The following OCA2 variants were observed in gnomAD, a reference collection of about 807,000 sequenced individuals.
OCA2 encodes P protein.
OCA2 carries 77 observed loss-of-function variants against 100.2 expected under a neutral mutation model. That is an observed-to-expected ratio of 0.77 (90% CI 0.64 to 0.93). The LOEUF (loss-of-function observed/expected upper bound fraction) is 0.93. Ranked by LOEUF, OCA2 falls within the 40% of genes least tolerant of loss-of-function variation. OCA2 has a pLI of 0.00. For missense variants in OCA2, 1,062 were observed against 1,089.1 expected (o/e 0.98, Z 0.35); for synonymous variants, 432 against 439.2 (o/e 0.98, Z 0.21).
the OCA2 span, among the ~76,000 whole-genome samples, chr15:27,742,238 A>G: frequency 2.0e-5 from 3 of 152,200 alleles, no homozygotes; most frequent in Non-Finnish European, 4.4e-5. Context: ...GTGGGCACTG[A>G]CAAAGCAAAT....
intron 2 of OCA2, among the ~76,000 whole-genome samples, chr15:28,070,738 A>G (rs1168114231): frequency 6.7e-6 from 1 of 150,022 alleles, no homozygotes; most frequent in Non-Finnish European, 1.5e-5. Flanking sequence ...AAGGTGGGGA[A>G]GAGATTGAGA....
At chr15:27,721,827 T>C in the OCA2 span, among the ~76,000 whole-genome samples, 1 of 152,338 alleles carries the variant, frequency 6.6e-6, no homozygotes, top group African/African-American at 2.4e-5. Context: ...TTTTATATTT[T>C]CATCAAAAAG....
intron 19 of OCA2, chr15:27,895,927 A>T (rs1406703380): frequency 4.6e-6 from 3 of 647,718 alleles, no homozygotes; most frequent in African/African-American, 3.6e-5. Flanking sequence ...ATATGATAGT[A>T]CGCACAGCAT....
chr15:28,069,275 A>G (rs1262575634), intron 2 of OCA2, among the ~76,000 whole-genome samples: 1 of 151,814 alleles, frequency 6.6e-6, no homozygotes, highest in Non-Finnish European at 1.5e-5. Flanking sequence ...CAGCATTTCT[A>G]TACAACAATA....
At chr15:27,767,856 C>T (rs1244360241) in intron 23 of OCA2, among the ~76,000 whole-genome samples, 2 of 152,226 alleles carry the variant, frequency 1.3e-5, no homozygotes, top group African/African-American at 4.8e-5. Flanking sequence ...TGTTCTTTCA[C>T]TCTTCACACT....
chr15:27,871,036 C>A, intron 21 of OCA2, 118 bp downstream of exon 21: 1 of 803,788 alleles, frequency 1.2e-6, no homozygotes. Flanking sequence ...TCGTCCTCTA[C>A]ACCTGTGAGT....
chr15:27,955,346 T>C, intron 16 of OCA2, 131 bp from the exon 17 acceptor site: 2 of 754,420 alleles, frequency 2.7e-6, no homozygotes, highest in Non-Finnish European at 4.8e-6. Context: ...GGACTAGTCA[T>C]GGGGGGCCGG....
chr15:27,968,334 C>T (rs1423332879), intron 14 of OCA2, among the ~76,000 whole-genome samples: 2 of 151,682 alleles, frequency 1.3e-5, no homozygotes, highest in Non-Finnish European at 2.9e-5. Context: ...AGTGACAATG[C>T]ACGACCATGG....
At chr15:27,896,368 A>G in intron 19 of OCA2, 1 of 754,706 alleles carries the variant, frequency 1.3e-6, no homozygotes, top group Non-Finnish European at 2.4e-6. Context: ...TTCGTTCAAT[A>G]CAGGAAGAAC....
intron 2 of OCA2, among the ~76,000 whole-genome samples, chr15:28,078,713 C>T (rs1198937432): frequency 1.3e-5 from 2 of 152,178 alleles, no homozygotes; most frequent in Non-Finnish European, 2.9e-5. Flanking sequence ...AGCAGAGGAC[C>T]TAGGTCAGCT....
chr15:28,022,506 T>C lies in OCA2; in HGVS notation c.641A>G (p.Asn214Ser). Residue 214 changes from asparagine (N) to serine (S), a missense_variant, in exon 6 of 24, where the codon AAC becomes AGC. Physicochemically the swap from Asn to Ser is conservative, Grantham distance 46. Coordinates refer to ENST00000354638, the MANE Select transcript of OCA2 (RefSeq NM_000275.3). ...WQLLALSPLE[N>S]YSVNLSSHVD... ...TCAGAGTGGATTTTGGATACAGTAG[T>C]TCTCCAGCGGTGATAAGGCCAACAG... The C allele has an allele frequency of 6.2e-7, 1 of 1,612,506 alleles. No homozygotes were observed. Among genetic ancestry groups the C allele is most frequent in the South Asian group, 1.1e-5 (1 of 91,056 alleles).
chr15:27,873,806 T>C (rs768944877), intron 19 of OCA2, among the ~76,000 whole-genome samples: 10 of 152,014 alleles, frequency 6.6e-5, no homozygotes, highest in Admixed American at 2.0e-4. Context: ...ATGAAGAAAA[T>C]ACAAATACAC....
intron 23 of OCA2, among the ~76,000 whole-genome samples, chr15:27,762,102 T>C (rs1169952746): frequency 3.3e-5 from 5 of 152,212 alleles, no homozygotes; most frequent in Admixed American, 3.3e-4. Context: ...CATGGACATA[T>C]TGCATAGTGG....
At position 27,957,589 on chromosome 15, in the gene OCA2, T is replaced by C. The variant is rs1194285211; in HGVS notation, c.1783A>G (p.Arg595Gly). 1 of 1,612,482 alleles carries C rather than the reference T, an allele frequency of 6.2e-7. No homozygotes were observed. Among genetic ancestry groups the C allele is most frequent in the Non-Finnish European group, 8.5e-7 (1 of 1,179,852 alleles). ...LLARRLHTFH[R>G]QISQEDKNWE... Reference sequence around the variant, plus strand: ...TCTGAGCAGGACCCCGCCCGGTACCTGTGGAAGGTGTGCAGCCTCCGGGCG... The same window carrying C: ...TCTGAGCAGGACCCCGCCCGGTACCCGTGGAAGGTGTGCAGCCTCCGGGCG... The change falls in exon 16 of 24, where the codon AGA (arginine) becomes GGA (glycine). Residue 595 changes from arginine (R) to glycine (G), a missense_variant and splice_region_variant. By Grantham distance (125) the Arg-to-Gly change is moderately radical. Transcript: ENST00000354638. The surrounding 1 kb of genome is among the most constrained non-coding windows in gnomAD (Gnocchi z 4.3).
chr15:27,834,855 T>C (rs912889277), intron 23 of OCA2, among the ~76,000 whole-genome samples: 1 of 152,172 alleles, frequency 6.6e-6, no homozygotes, highest in African/African-American at 2.4e-5. Flanking sequence ...AGGCACCTGC[T>C]CCTCATGTTG....
At chr15:28,053,326 T>C (rs1390555818) in intron 2 of OCA2, among the ~76,000 whole-genome samples, 2 of 152,112 alleles carry the variant, frequency 1.3e-5, no homozygotes, top group Admixed American at 1.3e-4. Context: ...GGAAGATGCC[T>C]CTTAGGAGGT....
chr15:28,062,269 G>A (rs1005959313), intron 2 of OCA2, among the ~76,000 whole-genome samples: 3 of 152,230 alleles, frequency 2.0e-5, no homozygotes, highest in Non-Finnish European at 4.4e-5. Context: ...CCTATTGGGT[G>A]TCAAATGGCA....
chr15:27,866,107 C>T (rs1231137041), intron 21 of OCA2, among the ~76,000 whole-genome samples: 1 of 152,206 alleles, frequency 6.6e-6, no homozygotes, highest in Non-Finnish European at 1.5e-5. Flanking sequence ...ACCCAGAGGG[C>T]AGGCCATCGT....
chr15:27,881,723 T>C lies in OCA2; in HGVS notation c.2080-9801A>G, dbSNP rs188702630. On this transcript the variant is annotated intron_variant, in intron 19 of 23. Transcript: ENST00000354638. ...GTGGGGTCAGTGGTGATATCCTCTTTATCATTTTTTTATTGTGTCTATTTG... is the reference window on the plus strand; with the variant it reads ...GTGGGGTCAGTGGTGATATCCTCTTCATCATTTTTTTATTGTGTCTATTTG... 7.1e-4 allele frequency among the ~76,000 whole-genome samples: 108 copies of C among 152,310 alleles called. 2 individuals carry two copies. In the East Asian group the frequency reaches 0.011, roughly 16 times the overall value.
Sources: gnomAD v4.1 joint callset for allele counts (sites outside exome capture counted in the v4.1 genomes callset) on GRCh38, gnomAD v4.1.1 for gene constraint, Gnocchi (gnomAD v3.1) non-coding constraint, MANE v1.5 for transcripts, NCBI Gene and HGNC (gene_info 2026-07-23, HGNC 2026-07-21) for gene names.